KLF16: variants seen among roughly 807,000 people sequenced by gnomAD.
KLF16 encodes the protein KLF transcription factor 16.
A neutral mutation model predicts 6.1 loss-of-function variants in KLF16; 6 were observed. That is an observed-to-expected ratio of 0.98 (90% CI 0.54 to 1.93). The LOEUF is 1.93. KLF16 is among the 30% of genes most tolerant of loss of function. KLF16 has a pLI of 0.01. For missense variants in KLF16, 355 were observed against 363.8 expected (o/e 0.98, Z 0.20); for synonymous variants, 211 against 176.5 (o/e 1.20, Z -1.55).
Position 1,863,225 on chromosome 19 carries a change from G to C in KLF16, c.273C>G (p.Pro91=). Residue 91 remains proline (P), a synonymous_variant, in exon 1 of 2, where the codon CCC becomes CCG. Coordinates refer to ENST00000250916, the MANE Select transcript of KLF16 (RefSeq NM_031918.4). ...ASILADLRGG[P]GAAPGGASPA... is the part of the protein sequence containing the mutation. Reference sequence around the variant, plus strand: ...GCGAGGCGCCCCCCGGGGCGGCTCCGGGTCCGCCGCGCAGGTCGGCCAGGA... The same window carrying C: ...GCGAGGCGCCCCCCGGGGCGGCTCCCGGTCCGCCGCGCAGGTCGGCCAGGA... 1 of 1,105,126 alleles carries C rather than the reference G, an allele frequency of 9.0e-7. No individual in the cohort carries two copies. The highest frequency in any genetic ancestry group is 4.3e-5 in the South Asian group (1 of 23,242). 68.5% of individuals were successfully genotyped at this position (1,105,126 alleles called of 1,614,324 possible).
In KLF16 at chr19:1,857,965, G is replaced by C. The variant is rs1025401877; in HGVS notation, c.458-3205C>G. 6.6e-6 allele frequency among the ~76,000 whole-genome samples: 1 copy of C among 152,012 alleles called. No individual in the cohort carries two copies. Among genetic ancestry groups the C allele is most frequent in the African/African-American group, 2.4e-5 (1 of 41,358 alleles). On this transcript the variant is annotated intron_variant, in intron 1 of 1. Transcript: ENST00000250916. The surrounding 1 kb of genome is among the most constrained non-coding windows in gnomAD (Gnocchi z 4.7). ...GAGGCCCTGCCAGCCTGGGGGTGGG[G>C]TCTCGAATACTACTGGGCCATAGCA...
intron 1 of KLF16, 21 bp downstream of exon 1, chr19:1,863,020 C>T: frequency 1.5e-6 from 2 of 1,294,806 alleles, no homozygotes; most frequent in Non-Finnish European, 2.0e-6. Context: ...CCGCAAGGGC[C>T]GGGATCGCGG....
chr19:1,866,464 A>T (rs1483814790), upstream of KLF16, among the ~76,000 whole-genome samples: 5 of 151,938 alleles, frequency 3.3e-5, no homozygotes, highest in Non-Finnish European at 7.4e-5. Flanking sequence ...TACAAAAAAA[A>T]TTAGCCGGGC....
the KLF16 span, chr19:1,875,542 C>T: frequency 1.3e-5 from 2 of 152,254 alleles, no homozygotes; most frequent in East Asian, 3.8e-4. Flanking sequence ...ACCAAATACC[C>T]TTTCAGGCTC....
chr19:1,854,713 C>G lies in KLF16; in HGVS notation c.505G>C (p.Ala169Pro). The change falls in exon 2 of 2, where the codon GCC becomes CCC. Residue 169 changes from alanine to proline, a missense_variant. Transcript: ENST00000250916. ...TGGCGGGCCAGCTCGTCGGAGCGGG[C>G]GAACTTCTTGTCGCAGCCCTGCCAG... ...CDWQGCDKKF[A>P]RSDELARHHR... is the part of the protein sequence containing the mutation. 6.3e-7 allele frequency: 1 copy of G among 1,598,870 alleles called. No individual in the cohort carries two copies. Among genetic ancestry groups the G allele is most frequent in the Non-Finnish European group, 8.5e-7 (1 of 1,179,412 alleles).
At chr19:1,872,511 C>T in the KLF16 span, among the ~76,000 whole-genome samples, 5 of 152,200 alleles carry the variant, frequency 3.3e-5, no homozygotes, top group African/African-American at 4.8e-5. Context: ...CTGTTCCCTC[C>T]GTGAGGCTAT....
In KLF16 at chr19:1,863,225, G is replaced by A; in HGVS notation, c.273C>T (p.Pro91=). 3.6e-6 allele frequency: 4 copies of A among 1,105,124 alleles called. No individual in the cohort carries two copies. Among genetic ancestry groups the A allele is most frequent in the Non-Finnish European group, 4.4e-6 (4 of 903,108 alleles). The allele number at this position is 1,105,124 out of a possible 1,614,324, so 68.5% of individuals were successfully genotyped here. A position where few individuals can be genotyped will look rare whatever the true frequency, so the allele number is the denominator to read the frequency against. The change falls in exon 1 of 2, where the codon CCC becomes CCT. Residue 91 remains proline (P), a synonymous_variant. Transcript: ENST00000250916. ...ASILADLRGG[P]GAAPGGASPA... is the part of the protein sequence containing the mutation. ...GCGAGGCGCCCCCCGGGGCGGCTCC[G>A]GGTCCGCCGCGCAGGTCGGCCAGGA...
At chr19:1,860,028 C>T (rs1402311041) in intron 1 of KLF16, among the ~76,000 whole-genome samples, 1 of 151,386 alleles carries the variant, frequency 6.6e-6, no homozygotes, top group Non-Finnish European at 1.5e-5. Context: ...GAGAAGAACC[C>T]TTCCAGGTCT....
At position 1,857,080 on chromosome 19, in the gene KLF16, GGGGCCAGGGGGCCC is replaced by G. The variant is rs1343864654; in HGVS notation, c.458-2334_458-2321del. Among the ~76,000 whole-genome samples, 26 of 151,744 alleles carry G rather than the reference GGGGCCAGGGGGCCC, an allele frequency of 1.7e-4. No individual in the cohort carries two copies. Among genetic ancestry groups the G allele is most frequent in the Admixed American group, 3.9e-4 (6 of 15,208 alleles). On this transcript the variant is annotated intron_variant, in intron 1 of 1. Transcript: ENST00000250916. This position sits in a 1 kb window ranked among gnomAD's most constrained non-coding sequence, Gnocchi z 4.7. ...CCGCTCACGTGGTCCCACTCCCGCC[GGGGCCAGGGGGCCC>G]GGGCCAGGGTCGCCTCTCCGGCCTG...
intron 1 of KLF16, among the ~76,000 whole-genome samples, chr19:1,855,814 G>A (rs1327582416): frequency 6.6e-6 from 1 of 152,226 alleles, no homozygotes; most frequent in Non-Finnish European, 1.5e-5. Context: ...CATCCCCGAA[G>A]CTCCCACCCT....
chr19:1,867,959 T>TGC (rs1555831994), upstream of KLF16, among the ~76,000 whole-genome samples: 9 of 143,414 alleles, frequency 6.3e-5, no homozygotes, highest in South Asian at 2.2e-4. Flanking sequence ...TGTGTGTGTG[T>TGC]GTGCGTGCGC....
At chr19:1,864,902 C>T (rs956565934), upstream of KLF16, among the ~76,000 whole-genome samples, 6 of 152,316 alleles carry the variant, frequency 3.9e-5, no homozygotes, top group Admixed American at 3.3e-4. Context: ...GCGCAGTGGC[C>T]GGAGCTGCCT....
upstream of KLF16, among the ~76,000 whole-genome samples, chr19:1,865,041 T>C (rs192532290): frequency 6.6e-6 from 1 of 152,336 alleles, no homozygotes; most frequent in East Asian, 1.9e-4. Context: ...GCTGACGCCC[T>C]GAGGCTGACC....
Position 1,863,461 on chromosome 19 carries a change from C to T in KLF16, c.37G>A (p.Ala13Thr). 1.9e-6 allele frequency: 2 copies of T among 1,049,164 alleles called. No individual in the cohort carries two copies. The highest frequency in any genetic ancestry group is 2.6e-5 in the South Asian group (1 of 38,196). 65.0% of individuals were successfully genotyped at this position (1,049,164 alleles called of 1,614,324 possible). Residue 13 changes from alanine to threonine, a missense_variant, in exon 1 of 2, where the codon GCC becomes ACC. Transcript: ENST00000250916. ...GAAGAGATGGCCATGAGCACGTCGG[C>T]GGCGAAGTAATCCACGCACGCCACG... ...AAVACVDYFA[A>T]DVLMAISSGA...
At chr19:1,876,477 G>C in the KLF16 span, among the ~76,000 whole-genome samples, 2 of 152,186 alleles carry the variant, frequency 1.3e-5, no homozygotes. Flanking sequence ...CCTCTTCCAG[G>C]GGAGACCCTC....
chr19:1,874,797 G>A, the KLF16 span: 2 of 115,612 alleles, frequency 1.7e-5, no homozygotes, highest in Admixed American at 1.0e-4. Context: ...TAGACAGAAA[G>A]CGAATTTTCT....
chr19:1,864,149 C>G (rs1199746000), upstream of KLF16, among the ~76,000 whole-genome samples: 1 of 150,664 alleles, frequency 6.6e-6, no homozygotes, highest in Non-Finnish European at 1.5e-5. Flanking sequence ...GGAGCCCGCC[C>G]CCTCCCCGGA....
Position 1,853,113 on chromosome 19 carries a change from C to T in KLF16, c.*1346G>A, listed in dbSNP as rs1017755749. 6.6e-6 allele frequency: 1 copy of T among 151,754 alleles called. No homozygotes were observed. Among genetic ancestry groups the T allele is most frequent in the African/African-American group, 2.4e-5 (1 of 41,182 alleles). 9.4% of individuals were successfully genotyped at this position (151,754 alleles called of 1,614,324 possible). A position where few individuals can be genotyped will look rare whatever the true frequency, so the allele number is the denominator to read the frequency against. ...ACCCCCCCCAAGAGGAAATGCAACC[C>T]AGGCCACAGCAGGACGACCGCTGAC... On this transcript the variant is annotated 3_prime_UTR_variant, in exon 2 of 2. Transcript: ENST00000250916.
In KLF16 at chr19:1,854,768, G is replaced by A; in HGVS notation, c.458-8C>T. ...AAGCAAAAGGGCGTTCCCCTGGACGGAGAGACAGAGACAGACAGCGGGTCA... is the reference window on the plus strand; with the variant it reads ...AAGCAAAAGGGCGTTCCCCTGGACGAAGAGACAGAGACAGACAGCGGGTCA... On this transcript the variant is annotated splice_region_variant and splice_polypyrimidine_tract_variant and intron_variant, in intron 1 of 1. Transcript: ENST00000250916. The A allele has an allele frequency of 6.3e-7, 1 of 1,597,688 alleles. No individual in the cohort carries two copies. The highest frequency in any genetic ancestry group is 8.5e-7 in the Non-Finnish European group (1 of 1,179,276).
Sources: gnomAD v4.1 joint callset for allele counts (sites outside exome capture counted in the v4.1 genomes callset) on GRCh38, gnomAD v4.1.1 for gene constraint, Gnocchi (gnomAD v3.1) non-coding constraint, MANE v1.5 for transcripts, NCBI Gene and HGNC (gene_info 2026-07-23, HGNC 2026-07-21) for gene names.